PRR14L: variants seen among roughly 807,000 people sequenced by gnomAD.
PRR14L encodes proline rich 14 like.
A neutral mutation model predicts 155.0 loss-of-function variants in PRR14L; 80 were observed. The observed-to-expected ratio is 0.52, with a 90% CI of 0.43 to 0.62. The LOEUF is 0.62. Ranked by LOEUF, PRR14L falls within the 20% of genes least tolerant of loss-of-function variation. PRR14L has a pLI of 0.00. For synonymous variants in PRR14L, 883 were observed against 916.0 expected, an observed-to-expected ratio of 0.96 and a Z score of 0.65; for missense variants, 2,469 against 2,548.0, an observed-to-expected ratio of 0.97 and a Z score of 0.67.
intron 3 of PRR14L, among the ~76,000 whole-genome samples, chr22:31,721,569 A>C (rs533883632): frequency 1.0e-3 from 157 of 152,204 alleles, no homozygotes; most frequent in African/African-American, 3.7e-3. Context: ...CTCACAAAAA[A>C]AAAAAAAAAG....
chr22:31,746,906 C>A (rs2074841569), intron 1 of PRR14L, among the ~76,000 whole-genome samples: 1 of 151,618 alleles, frequency 6.6e-6, no homozygotes, highest in African/African-American at 2.4e-5. Context: ...ATGCCATTCT[C>A]CTGCCTCAGC....
chr22:31,698,534 CAAAAA>C (rs34490365), intron 7 of PRR14L, among the ~76,000 whole-genome samples: 2 of 129,612 alleles, frequency 1.5e-5, no homozygotes, highest in African/African-American at 5.6e-5. Flanking sequence ...AACTACATCT[CAAAAA>C]AAAAAAAGAA....
At chr22:31,743,445 T>C (rs1320871325) in intron 1 of PRR14L, among the ~76,000 whole-genome samples, 1 of 152,230 alleles carries the variant, frequency 6.6e-6, no homozygotes, top group Non-Finnish European at 1.5e-5. Context: ...CACTGACTGG[T>C]ACAATTTAAA....
chr22:31,703,929 C>G (rs914351085), intron 5 of PRR14L, among the ~76,000 whole-genome samples: 1 of 151,938 alleles, frequency 6.6e-6, no homozygotes, highest in African/African-American at 2.4e-5. Flanking sequence ...CCTCGAGTAG[C>G]TGAAATTACA....
chr22:31,747,457 G>A (rs1449657037), intron 1 of PRR14L, among the ~76,000 whole-genome samples: 2 of 149,852 alleles, frequency 1.3e-5, no homozygotes, highest in East Asian at 1.9e-4. Flanking sequence ...CAGGAAGCCA[G>A]GGTCCCTTAT....
intron 2 of PRR14L, among the ~76,000 whole-genome samples, chr22:31,730,565 G>A (rs1447934104): frequency 6.6e-6 from 1 of 152,194 alleles, no homozygotes; most frequent in African/African-American, 2.4e-5. Flanking sequence ...CTCATTCCTG[G>A]GGGCAAACTT....
chr22:31,734,522 T>G (rs112606131), intron 2 of PRR14L, among the ~76,000 whole-genome samples: 3 of 152,308 alleles, frequency 2.0e-5, no homozygotes, highest in African/African-American at 7.2e-5. Flanking sequence ...CTGAAAGGTC[T>G]GCAGTGTTCA....
chr22:31,739,804 T>C (rs1195033913), intron 1 of PRR14L, among the ~76,000 whole-genome samples: 4 of 152,328 alleles, frequency 2.6e-5, no homozygotes, highest in East Asian at 1.9e-4. Flanking sequence ...GAAACACTTA[T>C]ATCTATGCAG....
intron 7 of PRR14L, among the ~76,000 whole-genome samples, chr22:31,700,215 T>C (rs974505584): frequency 2.6e-5 from 4 of 152,228 alleles, no homozygotes; most frequent in Non-Finnish European, 5.9e-5. Context: ...TGAATGACTT[T>C]ACTATATTAA....
intron 2 of PRR14L, among the ~76,000 whole-genome samples, chr22:31,733,387 C>CTCCGCCTTCCGCCTTCCACCT (rs131249): frequency 6.8e-6 from 1 of 146,826 alleles, no homozygotes; most frequent in South Asian, 2.1e-4. Flanking sequence ...TCACTGCAAC[C>CTCCGCCTTCCGCCTTCCACCT]TCCGCCTTTG....
intron 7 of PRR14L, among the ~76,000 whole-genome samples, chr22:31,692,015 G>A (rs1176175150): frequency 6.6e-6 from 1 of 151,974 alleles, no homozygotes; most frequent in Non-Finnish European, 1.5e-5. Context: ...TTACAGGCAC[G>A]CACCACCACT....
chr22:31,735,885 T>C (rs2074777346), intron 2 of PRR14L, among the ~76,000 whole-genome samples: 1 of 151,616 alleles, frequency 6.6e-6, no homozygotes, highest in Admixed American at 6.6e-5. Context: ...CCTGTCTCTA[T>C]TTAAAAAATA....
chr22:31,725,186 G>A (rs768907978), intron 3 of PRR14L, among the ~76,000 whole-genome samples: 1 of 152,138 alleles, frequency 6.6e-6, no homozygotes, highest in Non-Finnish European at 1.5e-5. Flanking sequence ...CTTGAGCCCA[G>A]GAGTTCGAGA....
At chr22:31,749,570 G>A (rs1359753571) in intron 1 of PRR14L, among the ~76,000 whole-genome samples, 2 of 152,208 alleles carry the variant, frequency 1.3e-5, no homozygotes, top group Admixed American at 1.3e-4. Flanking sequence ...GTCTCATTTA[G>A]GGGTTATCTT....
intron 3 of PRR14L, among the ~76,000 whole-genome samples, chr22:31,721,063 T>C (rs2074686721): frequency 6.6e-6 from 1 of 152,204 alleles, no homozygotes; most frequent in Non-Finnish European, 1.5e-5. Flanking sequence ...TTTGTAAAAT[T>C]AACTAAACAG....
chr22:31,715,089 C>A lies in PRR14L; in HGVS notation c.2750G>T (p.Cys917Phe). The stretch of plus-strand genomic sequence containing the variant: ...AGCATGATCAGAGATGTTATACTTA[C>A]AAAATACAGTTTCTTTGGATACATC... ...EQDVSKETVF[C>F]KYNISDHAIQ... Residue 917 changes from cysteine to phenylalanine, a missense_variant, in exon 4 of 9, where the codon TGT (cysteine) becomes TTT (phenylalanine). Physicochemically the swap from Cys to Phe is radical, Grantham distance 205 (BLOSUM62 -2). Transcript: ENST00000327423. The A allele has an allele frequency of 1.3e-6, 2 of 1,551,766 alleles. No homozygotes were observed. Among genetic ancestry groups the A allele is most frequent in the Non-Finnish European group, 1.7e-6 (2 of 1,146,950 alleles).
rs1396987566 is a variant in PRR14L, at chr22:31,717,213, G to A, written c.626C>T (p.Thr209Met). 23 of 1,551,766 alleles carry A rather than the reference G, an allele frequency of 1.5e-5. No homozygotes were observed. The highest frequency in any genetic ancestry group is 1.6e-5 in the Non-Finnish European group (18 of 1,147,048). Reference sequence around the variant, plus strand: ...ATTTTTGTGTCCTTCATTATTATCCGTCTTAGTCCCATTGACCTTCATACC... The same window carrying A: ...ATTTTTGTGTCCTTCATTATTATCCATCTTAGTCCCATTGACCTTCATACC... ...VQGMKVNGTKTDNNEGHKNGN... is the reference protein window; with the variant it reads ...VQGMKVNGTKMDNNEGHKNGN... Residue 209 changes from threonine to methionine, a missense_variant, in exon 4 of 9, where the codon ACG becomes ATG. By Grantham distance (81) the Thr-to-Met change is moderately conservative (BLOSUM62 -1). Around this residue, in one of 2 missense-constraint regions of PRR14L, gnomAD observed 2,363 missense variants for 2,371.6 expected, o/e 1.00. Coordinates refer to ENST00000327423, the MANE Select transcript of PRR14L (RefSeq NM_173566.3).
intron 1 of PRR14L, among the ~76,000 whole-genome samples, chr22:31,743,764 T>C (rs943441060): frequency 1.3e-5 from 2 of 150,306 alleles, no homozygotes; most frequent in African/African-American, 4.9e-5. Context: ...ATGGGGCCAC[T>C]GCACTCCAGA....
intron 1 of PRR14L, among the ~76,000 whole-genome samples, chr22:31,743,231 G>A (rs2074821732): frequency 6.6e-6 from 1 of 152,140 alleles, no homozygotes; most frequent in Non-Finnish European, 1.5e-5. Context: ...GAACCTGGGA[G>A]GCAGAGGGTG....
Sources: gnomAD v4.1 joint callset for allele counts (sites outside exome capture counted in the v4.1 genomes callset) on GRCh38, gnomAD v4.1.1 for gene constraint, gnomAD v4.1.1 regional missense constraint, MANE v1.5 for transcripts, NCBI Gene and HGNC (gene_info 2026-07-23, HGNC 2026-07-21) for gene names.